The following ZNF385D variants were observed in gnomAD, a reference collection of about 807,000 sequenced individuals.
ZNF385D encodes the protein zinc finger protein 385D.
ZNF385D carries 15 observed loss-of-function variants against 35.8 expected under a neutral mutation model. That is an observed-to-expected ratio of 0.42 (90% CI 0.28 to 0.64). The LOEUF is 0.64. Ranked by LOEUF, ZNF385D falls within the 30% of genes least tolerant of loss-of-function variation. The pLI, the probability that ZNF385D is intolerant of heterozygous loss-of-function variation, is 0.23. For synonymous variants in ZNF385D, 212 were observed against 186.8 expected (o/e 1.13, Z -1.10); for missense variants, 474 against 494.6 (o/e 0.96, Z 0.39).
intron 2 of ZNF385D, among the ~76,000 whole-genome samples, chr3:22,244,777 A>G (rs1175649250): frequency 2.0e-5 from 3 of 151,004 alleles, no homozygotes; most frequent in Middle Eastern, 3.4e-3. Context: ...GAGCTCTAAA[A>G]TCATTGTAGG....
chr3:21,841,331 T>G (rs139186508), intron 3 of ZNF385D, among the ~76,000 whole-genome samples: 6 of 152,020 alleles, frequency 3.9e-5, no homozygotes, highest in African/African-American at 1.4e-4. Flanking sequence ...TCTACTACAG[T>G]GTTGCTATAA....
chr3:21,775,773 A>G (rs569247982), intron 3 of ZNF385D, among the ~76,000 whole-genome samples: 242 of 151,990 alleles, frequency 1.6e-3, no homozygotes, highest in African/African-American at 5.6e-3. Flanking sequence ...CTTCTAGAGT[A>G]AATTTTTAGA....
chr3:21,857,077 C>G (rs181101148), intron 3 of ZNF385D, among the ~76,000 whole-genome samples: 5 of 151,992 alleles, frequency 3.3e-5, no homozygotes, highest in African/African-American at 1.2e-4. Flanking sequence ...TAGGCCTTTC[C>G]TCACCGCAGT....
intron 4 of ZNF385D, among the ~76,000 whole-genome samples, chr3:21,470,552 A>G (rs1049501009): frequency 8.5e-5 from 13 of 152,230 alleles, no homozygotes; most frequent in African/African-American, 3.1e-4. Flanking sequence ...AAATATATAA[A>G]GAAAAGGCCA....
intron 1 of ZNF385D, among the ~76,000 whole-genome samples, chr3:21,724,701 C>A (rs1559554742): frequency 6.6e-6 from 1 of 151,932 alleles, no homozygotes; most frequent in African/African-American, 2.4e-5. Context: ...TAGAGACTTA[C>A]AAAGAGACTT....
At chr3:21,505,298 T>A (rs528662779) in intron 4 of ZNF385D, among the ~76,000 whole-genome samples, 1 of 152,056 alleles carries the variant, frequency 6.6e-6, no homozygotes, top group African/African-American at 2.4e-5. Context: ...GGCAAGAGAA[T>A]CTTAAGACAT....
intron 3 of ZNF385D, among the ~76,000 whole-genome samples, chr3:21,973,780 C>T (rs1703420474): frequency 6.6e-6 from 1 of 151,834 alleles, no homozygotes; most frequent in African/African-American, 2.4e-5. Flanking sequence ...TATATGACAA[C>T]ACCAAACTAT....
At chr3:21,423,751 T>G (rs955873262) in intron 7 of ZNF385D, among the ~76,000 whole-genome samples, 3 of 152,178 alleles carry the variant, frequency 2.0e-5, no homozygotes, top group Non-Finnish European at 4.4e-5. Context: ...AAGTACTAAC[T>G]TACATCAAGA....
chr3:22,328,767 A>T (rs183272267), intron 2 of ZNF385D, among the ~76,000 whole-genome samples: 1 of 150,342 alleles, frequency 6.7e-6, no homozygotes, highest in Non-Finnish European at 1.5e-5. Context: ...TCGCCAAAAA[A>T]AAAAAGTTAA....
chr3:21,534,182 A>G (rs1014786638), intron 3 of ZNF385D, among the ~76,000 whole-genome samples: 1 of 152,064 alleles, frequency 6.6e-6, no homozygotes, highest in African/African-American at 2.4e-5. Context: ...TAAGACTAGA[A>G]TTAGCCTAAT....
At chr3:22,182,024 T>G (rs1018672066) in intron 2 of ZNF385D, among the ~76,000 whole-genome samples, 2 of 151,998 alleles carry the variant, frequency 1.3e-5, no homozygotes, top group African/African-American at 2.4e-5. Flanking sequence ...CCTTCCCCAG[T>G]TGAACGATAG....
chr3:21,607,419 G>A (rs1012504482), intron 2 of ZNF385D, among the ~76,000 whole-genome samples: 1 of 152,180 alleles, frequency 6.6e-6, no homozygotes, highest in Non-Finnish European at 1.5e-5. Context: ...AAGTTCCAGT[G>A]TGAATCTAGA....
intron 2 of ZNF385D, among the ~76,000 whole-genome samples, chr3:22,188,674 T>C (rs952717057): frequency 6.6e-6 from 1 of 152,032 alleles, no homozygotes; most frequent in African/African-American, 2.4e-5. Context: ...ATGGTCTCGA[T>C]CTCCTGACTT....
chr3:22,105,369 A>G (rs1412225628), intron 3 of ZNF385D, among the ~76,000 whole-genome samples: 2 of 151,972 alleles, frequency 1.3e-5, no homozygotes, highest in Non-Finnish European at 2.9e-5. Flanking sequence ...ATATATATCT[A>G]TATCTCTCTC....
chr3:22,148,362 T>G (rs1312906160), intron 3 of ZNF385D, among the ~76,000 whole-genome samples: 6 of 152,210 alleles, frequency 3.9e-5, no homozygotes, highest in Non-Finnish European at 7.3e-5. Flanking sequence ...CACTTACCTG[T>G]GTTGGTTATA....
chr3:21,884,474 G>A (rs1698438977), intron 3 of ZNF385D, among the ~76,000 whole-genome samples: 1 of 151,958 alleles, frequency 6.6e-6, no homozygotes, highest in Non-Finnish European at 1.5e-5. Flanking sequence ...CTTGGCTAGT[G>A]GTATGTTAGA....
intron 2 of ZNF385D, among the ~76,000 whole-genome samples, chr3:22,236,911 C>T (rs575769787): frequency 2.6e-5 from 4 of 152,126 alleles, no homozygotes; most frequent in Non-Finnish European, 4.4e-5. Flanking sequence ...GAATATAGTA[C>T]ATTTTATTTA....
chr3:21,904,904 G>T (rs907136752), intron 3 of ZNF385D, among the ~76,000 whole-genome samples: 1 of 152,044 alleles, frequency 6.6e-6, no homozygotes, highest in African/African-American at 2.4e-5. Context: ...TAAGCAGAAT[G>T]ATATTGATAG....
intron 3 of ZNF385D, among the ~76,000 whole-genome samples, chr3:22,093,800 A>G (rs996050130): frequency 6.6e-6 from 1 of 152,100 alleles, no homozygotes; most frequent in Non-Finnish European, 1.5e-5. Flanking sequence ...TTAGTTCCAT[A>G]TTAATAGGGA....
Sources: gnomAD v4.1 joint callset for allele counts (sites outside exome capture counted in the v4.1 genomes callset) on GRCh38, gnomAD v4.1.1 for gene constraint, MANE v1.5 for transcripts, NCBI Gene and HGNC (gene_info 2026-07-23, HGNC 2026-07-21) for gene names.